GRM7: variants seen among roughly 807,000 people sequenced by gnomAD.
GRM7 encodes glutamate metabotropic receptor 7, also known as metabotropic glutamate receptor 7.
GRM7 carries 35 observed loss-of-function variants against 84.5 expected under a neutral mutation model. That is an observed-to-expected ratio of 0.41 (90% CI 0.32 to 0.55). GRM7 has a LOEUF of 0.55. Ranked by LOEUF, GRM7 falls within the 20% of genes least tolerant of loss-of-function variation. The pLI is 0.19. For missense variants in GRM7, 1,003 were observed against 1,194.6 expected, an observed-to-expected ratio of 0.84 and a Z score of 2.36; for synonymous variants, 487 against 455.1, an observed-to-expected ratio of 1.07 and a Z score of -0.89.
At chr3:7,546,907 G>A (rs1365880973) in intron 7 of GRM7, among the ~76,000 whole-genome samples, 1 of 152,148 alleles carries the variant, frequency 6.6e-6, no homozygotes, top group African/African-American at 2.4e-5. Context: ...ATAAGCCATT[G>A]AAAAAGCATT....
intron 2 of GRM7, among the ~76,000 whole-genome samples, chr3:7,264,555 GA>G (rs1170762119): frequency 0.017 from 1 of 58 alleles, no homozygotes; most frequent in Non-Finnish European, 0.031. Context: ...CCCCATGCAG[GA>G]GTTGCCAGCT....
At chr3:7,019,386 C>T (rs1328283909) in intron 1 of GRM7, among the ~76,000 whole-genome samples, 1 of 152,142 alleles carries the variant, frequency 6.6e-6, no homozygotes, top group Non-Finnish European at 1.5e-5. Context: ...GTCGTGTCCG[C>T]TATTATAGTC....
At chr3:7,313,089 C>T (rs1489803327) in intron 4 of GRM7, among the ~76,000 whole-genome samples, 5 of 151,922 alleles carry the variant, frequency 3.3e-5, no homozygotes, top group Admixed American at 1.3e-4. Flanking sequence ...CCACCACGCC[C>T]AACTAGTTTT....
intron 7 of GRM7, among the ~76,000 whole-genome samples, chr3:7,476,218 T>G (rs1233944328): frequency 6.6e-6 from 1 of 152,180 alleles, no homozygotes; most frequent in Non-Finnish European, 1.5e-5. Flanking sequence ...TATTGGGACC[T>G]AACCCACAGG....
chr3:7,590,681 C>T (rs989341834), intron 8 of GRM7, among the ~76,000 whole-genome samples: 1 of 152,112 alleles, frequency 6.6e-6, no homozygotes, highest in Non-Finnish European at 1.5e-5. Flanking sequence ...TCAGGATATG[C>T]CTTCTTTATA....
intron 9 of GRM7, among the ~76,000 whole-genome samples, chr3:7,735,643 A>G (rs1702477473): frequency 1.3e-5 from 2 of 152,168 alleles, no homozygotes; most frequent in African/African-American, 4.8e-5. Context: ...GCTCCTCCTC[A>G]AAAAATGTAC....
intron 2 of GRM7, among the ~76,000 whole-genome samples, chr3:7,285,241 G>C (rs1699388691): frequency 6.6e-6 from 1 of 152,074 alleles, no homozygotes; most frequent in African/African-American, 2.4e-5. Context: ...ATTTTTAGAA[G>C]AATAGTATTT....
intron 4 of GRM7, among the ~76,000 whole-genome samples, chr3:7,382,403 A>C (rs1694626487): frequency 6.6e-6 from 1 of 152,148 alleles, no homozygotes; most frequent in African/African-American, 2.4e-5. Context: ...ATCATTGTGC[A>C]GAACAGGGCT....
intron 8 of GRM7, among the ~76,000 whole-genome samples, chr3:7,656,386 C>T (rs1339788263): frequency 6.6e-6 from 1 of 151,892 alleles, no homozygotes; most frequent in Non-Finnish European, 1.5e-5. Flanking sequence ...GTCCCAGCTA[C>T]TTGGGAGGCT....
At chr3:6,866,973 C>T (rs1024878372) in intron 1 of GRM7, among the ~76,000 whole-genome samples, 2 of 152,110 alleles carry the variant, frequency 1.3e-5, no homozygotes, top group Admixed American at 1.3e-4. Context: ...CTCCCAGTGG[C>T]CATCCAACAC....
intron 5 of GRM7, among the ~76,000 whole-genome samples, chr3:7,440,872 A>G (rs1199469417): frequency 6.6e-6 from 1 of 152,164 alleles, no homozygotes; most frequent in East Asian, 1.9e-4. Flanking sequence ...TATATGTACT[A>G]CATTTTCTTT....
intron 8 of GRM7, among the ~76,000 whole-genome samples, chr3:7,653,524 C>G (rs1171496961): frequency 6.6e-6 from 1 of 152,138 alleles, no homozygotes; most frequent in African/African-American, 2.4e-5. Context: ...GTCCCCAGAA[C>G]CAGCCTTCCT....
chr3:7,029,929 C>T (rs974876651), intron 1 of GRM7, among the ~76,000 whole-genome samples: 1 of 152,106 alleles, frequency 6.6e-6, no homozygotes, highest in African/African-American at 2.4e-5. Context: ...AGCATTCATT[C>T]CACTTCTAGG....
chr3:7,379,085 T>C (rs1232021164), intron 4 of GRM7, among the ~76,000 whole-genome samples: 1 of 152,198 alleles, frequency 6.6e-6, no homozygotes, highest in Non-Finnish European at 1.5e-5. Flanking sequence ...ATTTTTACTT[T>C]TTTTGAAGAT....
Position 6,891,541 on chromosome 3 carries a change from A to C in GRM7, c.519+29634A>C, listed in dbSNP as rs1017209449. Among the ~76,000 whole-genome samples, 40 of 152,278 alleles carry C rather than the reference A, an allele frequency of 2.6e-4. 1 individual carries two copies. The highest frequency in any genetic ancestry group is 7.2e-4 in the Admixed American group (11 of 15,284). On this transcript the variant is annotated intron_variant, in intron 1 of 9. Coordinates refer to ENST00000357716, the MANE Select transcript of GRM7 (RefSeq NM_000844.4). ...ATCTGGGTTGAAAATTCTTTTCTTT[A>C]GGAATGTTGAATATTGGCCCCCACT...
chr3:7,457,592 A>G (rs1228346235), intron 6 of GRM7, among the ~76,000 whole-genome samples: 1 of 152,328 alleles, frequency 6.6e-6, no homozygotes, highest in East Asian at 1.9e-4. Flanking sequence ...GGCAGATCTC[A>G]CATGCTTTTT....
At chr3:7,357,111 G>A (rs888047654) in intron 4 of GRM7, among the ~76,000 whole-genome samples, 2 of 150,984 alleles carry the variant, frequency 1.3e-5, no homozygotes, top group Non-Finnish European at 2.9e-5. Context: ...CACTGTCCAA[G>A]GAAGCAAACA....
intron 7 of GRM7, among the ~76,000 whole-genome samples, chr3:7,566,547 G>A (rs1694280231): frequency 6.6e-6 from 1 of 152,092 alleles, no homozygotes; most frequent in African/African-American, 2.4e-5. Context: ...AACTATCACA[G>A]AGTGAGAAGA....
intron 1 of GRM7, among the ~76,000 whole-genome samples, chr3:6,970,239 C>A (rs960293063): frequency 3.9e-5 from 6 of 152,300 alleles, no homozygotes; most frequent in Non-Finnish European, 7.3e-5. Context: ...CTACAGGTTG[C>A]AGCTAATGTT....
Sources: allele counts gnomAD v4.1 joint callset (sites outside exome capture counted in the v4.1 genomes callset), GRCh38; gene constraint gnomAD v4.1.1; transcripts MANE v1.5; gene names NCBI Gene and HGNC (gene_info 2026-07-23, HGNC 2026-07-21).